Variants in MCF2L2 observed in about 807,000 individuals in gnomAD.
MCF2L2 encodes the protein MCF.2 cell line derived transforming sequence-like 2.
A neutral mutation model predicts 150.2 loss-of-function variants in MCF2L2; 102 were observed. The ratio of observed to expected loss-of-function variants is 0.68; its 90% CI spans 0.58 to 0.80. The LOEUF is 0.80. Among genes scored for constraint, MCF2L2 ranks in the 30% least tolerant of loss-of-function variants. MCF2L2 has a pLI of 0.00. For synonymous variants in MCF2L2, 465 were observed against 491.3 expected (o/e 0.95, Z 0.71); for missense variants, 1,256 against 1,372.8 (o/e 0.91, Z 1.34).
chr3:183,390,284 T>C (rs1560053528), intron 1 of MCF2L2, among the ~76,000 whole-genome samples: 1 of 152,198 alleles, frequency 6.6e-6, no homozygotes, highest in Admixed American at 6.5e-5. Flanking sequence ...CATTCCTTTT[T>C]TTCCCCCTTC....
chr3:183,427,470 T>C (rs2108639740), intron 1 of MCF2L2, among the ~76,000 whole-genome samples: 1 of 152,330 alleles, frequency 6.6e-6, no homozygotes, highest in Middle Eastern at 3.4e-3. Context: ...CCCTGCACTT[T>C]CTTATAAACA....
At chr3:183,295,236 C>T in intron 13 of MCF2L2, 64 bp downstream of exon 13, 1 of 1,492,312 alleles carries the variant, frequency 6.7e-7, no homozygotes, top group East Asian at 2.3e-5. Context: ...GACAACCAGT[C>T]ACAGTCCTCA....
At chr3:183,424,761 G>A (rs186821752) in intron 1 of MCF2L2, among the ~76,000 whole-genome samples, 38 of 152,236 alleles carry the variant, frequency 2.5e-4, no homozygotes, top group Admixed American at 3.9e-4. Flanking sequence ...CATTGTATTG[G>A]GTTTCAAAGG....
intron 4 of MCF2L2, among the ~76,000 whole-genome samples, chr3:183,341,321 G>C (rs1217383396): frequency 6.6e-6 from 1 of 152,198 alleles, no homozygotes; most frequent in African/African-American, 2.4e-5. Flanking sequence ...AAGTCAGTAA[G>C]GTAGAGAGAC....
At chr3:183,277,459 C>CTTT (rs78674214) in intron 14 of MCF2L2, among the ~76,000 whole-genome samples, 3,699 of 146,412 alleles carry the variant, frequency 0.025, 155 homozygotes, top group African/African-American at 0.085. Flanking sequence ...TCAACATCTC[C>CTTT]TTTTTTTTTT....
At chr3:183,379,486 A>G in intron 2 of MCF2L2, 75 bp from the exon 3 acceptor site, 2 of 943,510 alleles carry the variant, frequency 2.1e-6, no homozygotes, top group Non-Finnish European at 1.7e-6. Flanking sequence ...GTTGGGCGAA[A>G]GAATATCGGT....
At chr3:183,239,290 T>C (rs1723898215) in intron 15 of MCF2L2, among the ~76,000 whole-genome samples, 1 of 152,082 alleles carries the variant, frequency 6.6e-6, no homozygotes, top group African/African-American at 2.4e-5. Flanking sequence ...CCTTAGCTCA[T>C]TAAAGGGGAA....
intron 3 of MCF2L2, among the ~76,000 whole-genome samples, chr3:183,352,767 G>GA (rs1711553808): frequency 6.6e-6 from 1 of 151,962 alleles, no homozygotes; most frequent in Non-Finnish European, 1.5e-5. Context: ...TAACTTATTA[G>GA]AAAAAAGGAT....
rs1433977899 is a variant in MCF2L2, at chr3:183,296,889, G to C, written c.1497+87C>G. The C allele has an allele frequency of 3.6e-6, 5 of 1,394,646 alleles. No homozygotes were observed. The African/African-American group carries it at 7.1e-5, about 20-fold the overall frequency. 86.4% of individuals were successfully genotyped at this position (1,394,646 alleles called of 1,614,324 possible). A position where few individuals can be genotyped will look rare whatever the true frequency, so the allele number is the denominator to read the frequency against. On this transcript the variant is annotated intron_variant, in intron 12 of 29. Transcript: ENST00000328913. ...CTCAATTCAGCCTGCTCAGTACCCT[G>C]TGTGTACTTTATCAGGAAGAAGGTA...
intron 7 of MCF2L2, among the ~76,000 whole-genome samples, chr3:183,315,987 T>G (rs2108513816): frequency 6.6e-6 from 1 of 152,352 alleles, no homozygotes; most frequent in South Asian, 2.1e-4. Context: ...ACCGTGCTCA[T>G]GAGCCCAAGG....
rs1322054183 is a variant in MCF2L2, at chr3:183,309,542, AT to A, written c.1113+173del. Among the ~76,000 whole-genome samples the A allele has an allele frequency of 2.0e-5, 3 of 152,230 alleles. No homozygotes were observed. In the East Asian group the frequency reaches 5.8e-4, roughly 29 times the overall value. On this transcript the variant is annotated intron_variant, in intron 10 of 29. Coordinates refer to ENST00000328913, the MANE Select transcript of MCF2L2 (RefSeq NM_015078.4). ...TTTAATAGGACTCTGTGCTGCCCGT[AT>A]TATTCATAGCAGTTGTTAATGTGCC...
In MCF2L2 at chr3:183,179,104, C is replaced by A; in HGVS notation, c.*276G>T. 2.7e-6 allele frequency: 1 copy of A among 370,918 alleles called. No individual in the cohort carries two copies. The highest frequency in any genetic ancestry group is 4.0e-5 in the East Asian group (1 of 24,844). 23.0% of individuals were successfully genotyped at this position (370,918 alleles called of 1,614,324 possible). The stretch of plus-strand genomic sequence containing the variant: ...CCACGCAGCAAAGAATTGCCCGGCT[C>A]CGAATATCGAAGTGCGCGGTCGAGA... On this transcript the variant is annotated 3_prime_UTR_variant, in exon 30 of 30. Transcript: ENST00000328913. The surrounding 1 kb of genome is among the most constrained non-coding windows in gnomAD (Gnocchi z 4.2).
intron 2 of MCF2L2, among the ~76,000 whole-genome samples, chr3:183,381,866 A>G (rs1713545846): frequency 6.6e-6 from 1 of 151,930 alleles, no homozygotes; most frequent in African/African-American, 2.4e-5. Context: ...TTTCACAACT[A>G]TGGGAAGTTT....
chr3:183,420,587 A>ACTT (rs1414669898), intron 1 of MCF2L2, among the ~76,000 whole-genome samples: 1 of 152,206 alleles, frequency 6.6e-6, no homozygotes, highest in Non-Finnish European at 1.5e-5. Context: ...CGACAGAGCA[A>ACTT]GACTCCATCT....
intron 2 of MCF2L2, among the ~76,000 whole-genome samples, chr3:183,382,247 CG>C (rs889706789): frequency 2.0e-5 from 3 of 151,914 alleles, no homozygotes; most frequent in Admixed American, 2.0e-4. Context: ...TTAGTAGAGA[CG>C]GGGTTTCACC....
At chr3:183,217,453 C>G (rs1722988239) in intron 21 of MCF2L2, among the ~76,000 whole-genome samples, 1 of 151,540 alleles carries the variant, frequency 6.6e-6, no homozygotes, top group African/African-American at 2.4e-5. Flanking sequence ...GCCTGGGCAA[C>G]AAAGTGAGAC....
intron 22 of MCF2L2, 49 bp downstream of exon 22, chr3:183,215,920 T>C: frequency 1.9e-6 from 3 of 1,591,686 alleles, no homozygotes; most frequent in South Asian, 1.1e-5. Context: ...CTGTGTAGTA[T>C]TGCACCTGCC....
At chr3:183,342,877 A>C (rs770373755) in intron 3 of MCF2L2, among the ~76,000 whole-genome samples, 2 of 152,196 alleles carry the variant, frequency 1.3e-5, no homozygotes, top group Non-Finnish European at 2.9e-5. Context: ...GCTTTACCCT[A>C]CAAAAGTGTG....
intron 3 of MCF2L2, among the ~76,000 whole-genome samples, chr3:183,362,606 TAAA>T (rs59562818): frequency 1.1e-4 from 16 of 144,208 alleles, no homozygotes; most frequent in African/African-American, 2.2e-4. Flanking sequence ...CTTACAGGAT[TAAA>T]AAAAAAAAAA....
Sources: gnomAD v4.1 joint callset for allele counts (sites outside exome capture counted in the v4.1 genomes callset) on GRCh38, gnomAD v4.1.1 for gene constraint, Gnocchi (gnomAD v3.1) non-coding constraint, MANE v1.5 for transcripts, NCBI Gene and HGNC (gene_info 2026-07-23, HGNC 2026-07-21) for gene names.